The following ADAD1 variants were observed in gnomAD, a reference collection of about 807,000 sequenced individuals.
The protein encoded by ADAD1 is adenosine deaminase domain containing 1.
ADAD1 carries 46 observed loss-of-function variants against 66.8 expected under a neutral mutation model. The ratio of observed to expected loss-of-function variants is 0.69; its 90% confidence interval spans 0.54 to 0.88. The LOEUF (loss-of-function observed/expected upper bound fraction) is 0.88, where lower values mean the gene tolerates loss of function less well. Ranked by LOEUF, ADAD1 falls within the 40% of genes least tolerant of loss-of-function variation. The pLI, the probability that ADAD1 is intolerant of heterozygous loss-of-function variation, is 0.00. For missense variants in ADAD1, 617 were observed against 681.8 expected, an observed-to-expected ratio of 0.91 and a Z score of 1.06; for synonymous variants, 248 against 229.4, an observed-to-expected ratio of 1.08 and a Z score of -0.73.
At chr4:122,399,211 ATTT>A (rs1795854851) in intron 7 of ADAD1, among the ~76,000 whole-genome samples, 1 of 152,038 alleles carries the variant, frequency 6.6e-6, no homozygotes, top group South Asian at 2.1e-4. Context: ...TCCCAGCATC[ATTT>A]GCTGAATAGG....
chr4:122,408,449 G>A (rs886263825), intron 8 of ADAD1, among the ~76,000 whole-genome samples: 1 of 152,246 alleles, frequency 6.6e-6, no homozygotes, highest in East Asian at 1.9e-4. Flanking sequence ...CTACTTTTTT[G>A]TATTTTAGTA....
At chr4:122,380,355 G>C in intron 3 of ADAD1, 114 bp downstream of exon 3, 1 of 1,271,956 alleles carries the variant, frequency 7.9e-7, no homozygotes, top group East Asian at 2.4e-5. Flanking sequence ...ACATTTACCC[G>C]TGGCCGTGTA....
At chr4:122,403,203 C>T (rs1395535473) in intron 7 of ADAD1, among the ~76,000 whole-genome samples, 1 of 152,036 alleles carries the variant, frequency 6.6e-6, no homozygotes, top group Non-Finnish European at 1.5e-5. Context: ...TGGTGCTCTC[C>T]CCCTTCCCCT....
chr4:122,380,463 A>AC (rs926462666), intron 3 of ADAD1: 203 of 521,082 alleles, frequency 3.9e-4, no homozygotes, highest in East Asian at 1.0e-3. Context: ...GACTGTTCAA[A>AC]CCCCCCCCTT....
At chr4:122,396,007 T>A (rs1239228974) in intron 6 of ADAD1, among the ~76,000 whole-genome samples, 1 of 152,248 alleles carries the variant, frequency 6.6e-6, no homozygotes, top group African/African-American at 2.4e-5. Flanking sequence ...TCTACAGATA[T>A]AAATCAGTAG....
In ADAD1 at chr4:122,421,350, A is replaced by G; in HGVS notation, c.1577A>G (p.Lys526Arg). The G allele has an allele frequency of 6.2e-7, 1 of 1,603,118 alleles. No individual in the cohort carries two copies. The highest frequency in any genetic ancestry group is 8.5e-7 in the Non-Finnish European group (1 of 1,172,492). The change falls in exon 12 of 13, where the codon AAA becomes AGA. Residue 526 changes from lysine to arginine, a missense_variant. By Grantham distance (26) the Lys-to-Arg change is conservative (BLOSUM62 2). Coordinates refer to ENST00000296513, the MANE Select transcript of ADAD1 (RefSeq NM_139243.4). The stretch of plus-strand genomic sequence containing the variant: ...TTTAACCTGCTTGCCAAAGAAGCTA[A>G]AAAAGAATTACTTGAAGCTGGTACA... ...SRFNLLAKEAKKELLEAGTYH... is the reference protein window; with the variant it reads ...SRFNLLAKEARKELLEAGTYH...
chr4:122,393,095 C>G (rs905377002), intron 5 of ADAD1, among the ~76,000 whole-genome samples: 2 of 143,328 alleles, frequency 1.4e-5, no homozygotes, highest in African/African-American at 5.2e-5. Flanking sequence ...TTTCTGTACT[C>G]CCTAACTTTG....
intron 7 of ADAD1, among the ~76,000 whole-genome samples, chr4:122,401,176 C>T (rs1048975151): frequency 8.6e-5 from 13 of 152,006 alleles, no homozygotes; most frequent in African/African-American, 2.7e-4. Context: ...TTTGCTGTAT[C>T]CCAGAGGTTT....
intron 5 of ADAD1, among the ~76,000 whole-genome samples, chr4:122,391,476 G>T (rs1232012171): frequency 6.6e-6 from 1 of 152,224 alleles, no homozygotes. Context: ...GGCTAAGTCT[G>T]CTGGTCCGCA....
Position 122,412,582 on chromosome 4 carries a change from G to C in ADAD1, c.1022G>C (p.Arg341Pro), listed in dbSNP as rs768463698. 2 of 1,612,902 alleles carry C rather than the reference G, an allele frequency of 1.2e-6. No homozygotes were observed. The highest frequency in any genetic ancestry group is 1.1e-5 in the South Asian group (1 of 90,920). Reference sequence around the variant, plus strand: ...GAAACTTTCTTTTCTTTCTCTAGACGTCTTAATCCACATTCTATATCTGCA... The same window carrying C: ...GAAACTTTCTTTTCTTTCTCTAGACCTCTTAATCCACATTCTATATCTGCA... ...KGSAQIKSQL[R>P]LNPHSISAFE... Residue 341 changes from arginine (R) to proline (P), a missense_variant and splice_region_variant, in exon 10 of 13, where the codon CGT becomes CCT. Coordinates refer to ENST00000296513, the MANE Select transcript of ADAD1 (RefSeq NM_139243.4).
intron 7 of ADAD1, among the ~76,000 whole-genome samples, chr4:122,399,702 T>A (rs1339419836): frequency 6.6e-6 from 1 of 151,914 alleles, no homozygotes; most frequent in Admixed American, 6.6e-5. Context: ...GTAGAGATCT[T>A]TCATCTCCTT....
chr4:122,429,496 A>T (rs1338080986), intron 12 of ADAD1, 130 bp from the exon 13 acceptor site: 8 of 556,986 alleles, frequency 1.4e-5, no homozygotes, highest in Middle Eastern at 9.6e-4. Flanking sequence ...CAAAAATATT[A>T]AAATATAGGA....
intron 5 of ADAD1, 41 bp from the exon 6 acceptor site, chr4:122,393,548 T>A (rs1445855810): frequency 2.5e-5 from 38 of 1,510,294 alleles, no homozygotes; most frequent in Non-Finnish European, 2.8e-5. Context: ...CTTTGGAATG[T>A]TGAAGTTTCA....
chr4:122,396,507 C>A, intron 7 of ADAD1, 130 bp downstream of exon 7: 3 of 673,896 alleles, frequency 4.5e-6, no homozygotes, highest in Non-Finnish European at 6.6e-6. Context: ...AAGTGTGGGT[C>A]ATTAAACACA....
chr4:122,396,251 G>T lies in ADAD1; in HGVS notation c.599-1G>T. 6.4e-7 allele frequency: 1 copy of T among 1,571,266 alleles called. No homozygotes were observed. Among genetic ancestry groups the T allele is most frequent in the East Asian group, 2.3e-5 (1 of 43,590 alleles). ...AAATTTATGTTTTGATTTTTTTCTA[G>T]AAGGGAGACATATTCAATATGCAAA... On this transcript the variant is annotated splice_acceptor_variant, in intron 6 of 12. Coordinates refer to ENST00000296513, the MANE Select transcript of ADAD1 (RefSeq NM_139243.4). LOFTEE classifies it high-confidence loss of function.
intron 11 of ADAD1, among the ~76,000 whole-genome samples, chr4:122,418,864 C>G (rs1796877481): frequency 6.6e-6 from 1 of 152,044 alleles, no homozygotes; most frequent in African/African-American, 2.4e-5. Flanking sequence ...TGGCTATTAT[C>G]AAAAAGTCAA....
chr4:122,393,416 A>G (rs926745972), intron 5 of ADAD1, among the ~76,000 whole-genome samples, 173 bp from the exon 6 acceptor site: 1 of 152,164 alleles, frequency 6.6e-6, no homozygotes, highest in Non-Finnish European at 1.5e-5. Flanking sequence ...AACAATTTCA[A>G]AATAGGAAAG....
chr4:122,379,871 G>GA (rs1412803292), intron 2 of ADAD1, among the ~76,000 whole-genome samples, 191 bp from the exon 3 acceptor site: 5 of 152,146 alleles, frequency 3.3e-5, no homozygotes, highest in African/African-American at 1.2e-4. Flanking sequence ...GGATTCAGGA[G>GA]AGAAGAGGTC....
At chr4:122,409,384 A>G (rs115877376) in intron 8 of ADAD1, among the ~76,000 whole-genome samples, 2,047 of 151,520 alleles carry the variant, frequency 0.014, 43 homozygotes, top group East Asian at 0.044. Context: ...AAATTTTATA[A>G]TTTCTTATTT....
Sources: allele counts gnomAD v4.1 joint callset (sites outside exome capture counted in the v4.1 genomes callset), GRCh38; gene constraint gnomAD v4.1.1; transcripts MANE v1.5; gene names NCBI Gene and HGNC (gene_info 2026-07-23, HGNC 2026-07-21).